ZNF469: variants seen among roughly 807,000 people sequenced by gnomAD.
ZNF469 encodes the protein zinc finger protein 469.
Under a neutral mutation model 1.0 loss-of-function variants are expected in ZNF469, and 1 was observed. That is an observed-to-expected ratio of 1.00 (90% CI 0.35 to 4.73). The LOEUF (loss-of-function observed/expected upper bound fraction) is 4.73, where lower values mean the gene tolerates loss of function less well. ZNF469 is among the 30% of genes most tolerant of loss of function. The pLI is 0.16. For missense variants in ZNF469, 6,100 were observed against 5,356.3 expected (o/e 1.14, Z -4.33); for synonymous variants, 2,703 against 2,363.4 (o/e 1.14, Z -4.17).
the ZNF469 span, among the ~76,000 whole-genome samples, chr16:88,189,189 T>C: frequency 6.6e-6 from 1 of 152,218 alleles, no homozygotes; most frequent in Non-Finnish European, 1.5e-5. The surrounding 1 kb of genome is among the most constrained non-coding windows in gnomAD (Gnocchi z 4.3). Context: ...CCTTCCCAAG[T>C]GCAGAGCTGC....
chr16:88,129,286 C>G, the ZNF469 span, among the ~76,000 whole-genome samples: 1 of 152,170 alleles, frequency 6.6e-6, no homozygotes. Flanking sequence ...GTCTCGGCCT[C>G]TGGTGAGCCA....
the ZNF469 span, among the ~76,000 whole-genome samples, chr16:88,225,413 G>T: frequency 6.6e-6 from 1 of 152,216 alleles, no homozygotes; most frequent in African/African-American, 2.4e-5. Flanking sequence ...GGAGGCTTTA[G>T]ATCAAAGGCC....
the ZNF469 span, among the ~76,000 whole-genome samples, chr16:88,338,478 G>C: frequency 6.6e-6 from 1 of 152,150 alleles, no homozygotes; most frequent in African/African-American, 2.4e-5. Flanking sequence ...CGCCCCCAGG[G>C]TGTGTTTGCC....
the ZNF469 span, among the ~76,000 whole-genome samples, chr16:88,181,136 T>C: frequency 6.6e-6 from 1 of 151,876 alleles, no homozygotes; most frequent in African/African-American, 2.4e-5. Context: ...AGTGGCACGA[T>C]TTCAGCTCAC....
At chr16:88,398,032 T>C (rs1283417692) in intron 1 of ZNF469, among the ~76,000 whole-genome samples, 1 of 152,208 alleles carries the variant, frequency 6.6e-6, no homozygotes, top group African/African-American at 2.4e-5. Context: ...AGGCCTCCAT[T>C]AGCCTCTGGA....
At chr16:88,200,456 A>T in the ZNF469 span, among the ~76,000 whole-genome samples, 1 of 152,366 alleles carries the variant, frequency 6.6e-6, no homozygotes, top group Non-Finnish European at 1.5e-5. Flanking sequence ...GGCCAGCAAC[A>T]GAAGGCCGGC....
the ZNF469 span, among the ~76,000 whole-genome samples, chr16:88,305,161 T>C: frequency 6.6e-6 from 1 of 152,174 alleles, no homozygotes; most frequent in Non-Finnish European, 1.5e-5. Flanking sequence ...ATGCCCGGCA[T>C]GGGGCAGGCC....
Position 88,436,980 on chromosome 16 carries a change from C to T in ZNF469, c.9510C>T (p.Ser3170=), listed in dbSNP as rs1056633861. The T allele has an allele frequency of 6.6e-7, 1 of 1,513,068 alleles. No individual in the cohort carries two copies. Among genetic ancestry groups the T allele is most frequent in the Non-Finnish European group, 8.8e-7 (1 of 1,132,614 alleles). 93.7% of individuals were successfully genotyped at this position (1,513,068 alleles called of 1,614,324 possible). The change falls in exon 3 of 3, where the codon AGC becomes AGT. Residue 3170 remains serine, a synonymous_variant. Transcript: ENST00000565624. ...RGHLQERHAQ[S]KAGPWACGMC... ...ACCTGCAGGAGAGGCACGCGCAGAG[C>T]AAGGCCGGGCCCTGGGCGTGCGGCA...
chr16:88,161,040 A>C, the ZNF469 span, among the ~76,000 whole-genome samples: 1 of 152,102 alleles, frequency 6.6e-6, no homozygotes, highest in Non-Finnish European at 1.5e-5. Context: ...AGGTACCTGT[A>C]ATCCCAGCTA....
the ZNF469 span, among the ~76,000 whole-genome samples, chr16:88,311,129 G>C: frequency 2.0e-5 from 3 of 152,198 alleles, no homozygotes; most frequent in East Asian, 3.9e-4. Flanking sequence ...AATTGGGATT[G>C]TCTAGTGTTT....
chr16:88,204,324 A>G, the ZNF469 span, among the ~76,000 whole-genome samples: 3 of 152,308 alleles, frequency 2.0e-5, no homozygotes, highest in East Asian at 5.8e-4. Flanking sequence ...CCCATAAGCC[A>G]CATAGAGCTG....
In ZNF469 at chr16:88,433,543, G is replaced by C. The variant is rs1318556892; in HGVS notation, c.6073G>C (p.Ala2025Pro). 1 of 1,549,738 alleles carries C rather than the reference G, an allele frequency of 6.5e-7. No homozygotes were observed. The highest frequency in any genetic ancestry group is 2.0e-5 in the Admixed American group (1 of 50,888). ...CTCAGTCAATGCCAGTCCCAAAACA[G>C]CGCTGACCGGCCCCACCGAGGGTGC... ...HASVNASPKT[A>P]LTGPTEGAVL... is the part of the protein sequence containing the mutation. The change falls in exon 3 of 3, where the codon GCG becomes CCG. Residue 2025 changes from alanine (A) to proline (P), a missense_variant. By Grantham distance (27) the Ala-to-Pro change is conservative. Transcript: ENST00000565624.
rs1905950647 is a variant in ZNF469, at chr16:88,429,333, G to A, written c.1863G>A (p.Glu621=). The A allele has an allele frequency of 6.5e-7, 1 of 1,549,956 alleles. No homozygotes were observed. The highest frequency in any genetic ancestry group is 8.7e-7 in the Non-Finnish European group (1 of 1,146,858). ...MSSSPANPSS[E]ESQLPGPLGP... ...GCAGCCCAGCCAACCCCAGCTCAGA[G>A]GAAAGCCAGCTCCCCGGCCCCCTCG... The change falls in exon 3 of 3, where the codon GAG becomes GAA. Residue 621 remains glutamate (E), a synonymous_variant. Transcript: ENST00000565624.
chr16:88,429,838 T>C lies in ZNF469; in HGVS notation c.2368T>C (p.Leu790=). 6.5e-7 allele frequency: 1 copy of C among 1,548,670 alleles called. No homozygotes were observed. Among genetic ancestry groups the C allele is most frequent in the Non-Finnish European group, 8.7e-7 (1 of 1,145,986 alleles). The change falls in exon 3 of 3, where the codon TTG becomes CTG. Residue 790 remains leucine (L), a synonymous_variant. Coordinates refer to ENST00000565624, the MANE Select transcript of ZNF469 (RefSeq NM_001367624.2). ...AGTCCCTGCCGACGCACACGCGGGCTTGCTCAGCCACGCGAAGACCTTCCT... is the reference window on the plus strand; with the variant it reads ...AGTCCCTGCCGACGCACACGCGGGCCTGCTCAGCCACGCGAAGACCTTCCT... The part of the protein sequence containing the change: ...PRVPADAHAG[L]LSHAKTFLLA...
chr16:88,205,593 T>C, the ZNF469 span, among the ~76,000 whole-genome samples: 16 of 152,130 alleles, frequency 1.1e-4, no homozygotes, highest in Non-Finnish European at 2.1e-4. This position sits in a 1 kb window ranked among gnomAD's most constrained non-coding sequence, Gnocchi z 4.2. Context: ...GAATTCTCTA[T>C]AAAAACACAC....
chr16:88,167,691 G>A, the ZNF469 span, among the ~76,000 whole-genome samples: 2 of 152,160 alleles, frequency 1.3e-5, no homozygotes, highest in African/African-American at 2.4e-5. Context: ...ACTCCGCTGC[G>A]TTTCCTCATC....
intron 1 of ZNF469, among the ~76,000 whole-genome samples, chr16:88,416,230 C>T (rs1905297599): frequency 6.6e-6 from 1 of 152,312 alleles, no homozygotes. Context: ...GTTTCTCATG[C>T]AGAGACCTCA....
intron 1 of ZNF469, among the ~76,000 whole-genome samples, chr16:88,390,338 C>G (rs931602944): frequency 1.3e-5 from 2 of 152,198 alleles, no homozygotes; most frequent in Admixed American, 1.3e-4. Context: ...TCCAACCCCA[C>G]CGAGGTCAGG....
At chr16:88,377,534 C>T in the ZNF469 span, among the ~76,000 whole-genome samples, 17 of 152,322 alleles carry the variant, frequency 1.1e-4, no homozygotes, top group Non-Finnish European at 1.0e-4. Context: ...ACGCTTGGGC[C>T]GTAGGCATCT....
Sources: allele counts gnomAD v4.1 joint callset (sites outside exome capture counted in the v4.1 genomes callset), GRCh38; gene constraint gnomAD v4.1.1; non-coding constraint Gnocchi (gnomAD v3.1); transcripts MANE v1.5; gene names NCBI Gene and HGNC (gene_info 2026-07-23, HGNC 2026-07-21).